Variants in EPB41L1 observed in about 807,000 individuals in gnomAD.
EPB41L1 encodes the protein band 4.1-like protein 1.
In EPB41L1, 29 loss-of-function variants were observed where a neutral mutation model predicts 97.8. The observed-to-expected ratio is 0.30, with a 90% CI of 0.22 to 0.40. EPB41L1 has a LOEUF of 0.40. Among genes scored for constraint, EPB41L1 ranks in the 10% least tolerant of loss-of-function variants. The pLI, the probability that EPB41L1 is intolerant of heterozygous loss-of-function variation, is 1.00. For synonymous variants in EPB41L1, 383 were observed against 459.2 expected (o/e 0.83, Z 2.12); for missense variants, 812 against 1,162.3 (o/e 0.70, Z 4.38).
chr20:36,203,078 CGGCTACCTGG>C (rs2062591355), intron 14 of EPB41L1, among the ~76,000 whole-genome samples: 1 of 152,198 alleles, frequency 6.6e-6, no homozygotes, highest in Admixed American at 6.5e-5. Flanking sequence ...TGCGGGGCTG[CGGCTACCTGG>C]GGCTACCCTA....
At chr20:36,213,398 G>A (rs1386445048) in intron 16 of EPB41L1, among the ~76,000 whole-genome samples, 3 of 152,064 alleles carry the variant, frequency 2.0e-5, no homozygotes, top group Admixed American at 6.6e-5. Context: ...GGGAAAAAAA[G>A]AGAGAGAAAG....
intron 21 of EPB41L1, 29 bp from the exon 22 acceptor site, chr20:36,229,303 C>G: frequency 1.9e-6 from 3 of 1,602,392 alleles, no homozygotes; most frequent in African/African-American, 1.3e-5. Flanking sequence ...TCCCCACCCC[C>G]CATTCTACCC....
At chr20:36,196,341 A>G (rs565798370) in intron 13 of EPB41L1, among the ~76,000 whole-genome samples, 2 of 152,304 alleles carry the variant, frequency 1.3e-5, no homozygotes, top group Non-Finnish European at 2.9e-5. Flanking sequence ...ACTGCTCCCT[A>G]CAGCCTTCAG....
chr20:36,200,035 G>C (rs2062416554), intron 14 of EPB41L1, among the ~76,000 whole-genome samples: 1 of 152,184 alleles, frequency 6.6e-6, no homozygotes, highest in Admixed American at 6.5e-5. Flanking sequence ...AAGAACTATG[G>C]TCCAGGAGCT....
intron 1 of EPB41L1, among the ~76,000 whole-genome samples, chr20:36,100,045 G>A (rs902069142): frequency 5.3e-5 from 8 of 152,202 alleles, no homozygotes; most frequent in Admixed American, 2.6e-4. Context: ...GCCACCATGC[G>A]GGGCTCTGGA....
chr20:36,193,153 G>C (rs2086278821), intron 11 of EPB41L1, among the ~76,000 whole-genome samples: 1 of 152,170 alleles, frequency 6.6e-6, no homozygotes, highest in Non-Finnish European at 1.5e-5. Flanking sequence ...GGCAGCAGAG[G>C]TTAGCCCAGA....
At position 36,212,307 on chromosome 20, in the gene EPB41L1, G is replaced by A; in HGVS notation, c.2115G>A (p.Leu705=). The A allele has an allele frequency of 6.2e-7, 1 of 1,614,204 alleles. No homozygotes were observed. The highest frequency in any genetic ancestry group is 8.5e-7 in the Non-Finnish European group (1 of 1,180,038). Residue 705 remains leucine, a synonymous_variant, in exon 16 of 22, where the codon CTG becomes CTA. Transcript: ENST00000338074. This position sits in a 1 kb window ranked among gnomAD's most constrained non-coding sequence, Gnocchi z 4.8. Reference sequence around the variant, plus strand: ...CAGAAACCATGACTGTCAGCAGTCTGGCCATTAGAAAGAAGATTGAGCCGG... The same window carrying A: ...CAGAAACCATGACTGTCAGCAGTCTAGCCATTAGAAAGAAGATTGAGCCGG... ...VKTETMTVSS[L]AIRKKIEPEA...
At position 36,122,783 on chromosome 20, in the gene EPB41L1, G is replaced by GGGGCTTGT. The variant is rs2058797440; in HGVS notation, c.-10+10303_-10+10304insGGGCTTGT. On this transcript the variant is annotated intron_variant, in intron 2 of 19. Transcript: ENST00000202028. ...CTTGGCCAGCCCCTTTCCCTTCTTG[G>GGGGCTTGT]ACCTCAGTTTCAGCACCTGTACAAT... 3.9e-5 allele frequency: 6 copies of GGGGCTTGT among 152,264 alleles called. No individual in the cohort carries two copies. The South Asian group carries it at 1.2e-3, about 32-fold the overall frequency. The allele number at this position is 152,264 out of a possible 1,614,324, so 9.4% of individuals were successfully genotyped here.
chr20:36,107,420 CA>C (rs1300725763), intron 1 of EPB41L1, among the ~76,000 whole-genome samples: 1 of 150,964 alleles, frequency 6.6e-6, no homozygotes, highest in Non-Finnish European at 1.5e-5. Flanking sequence ...GGGGTTTCAT[CA>C]TATTGGTCAG....
intron 1 of EPB41L1, among the ~76,000 whole-genome samples, chr20:36,106,507 A>G (rs2058196633): frequency 6.6e-6 from 1 of 152,108 alleles, no homozygotes; most frequent in African/African-American, 2.4e-5. Flanking sequence ...AGGAGTTCCT[A>G]TTTTGGGGAG....
In EPB41L1 at chr20:36,194,017, G is replaced by A. The variant is rs539491157; in HGVS notation, c.1301-195G>A. ...CTAGTGCTGTAGAAACCAGGAAGGAGTCCTGGGCTGGGAGGCAGCTCTGCC... is the reference window on the plus strand; with the variant it reads ...CTAGTGCTGTAGAAACCAGGAAGGAATCCTGGGCTGGGAGGCAGCTCTGCC... On this transcript the variant is annotated intron_variant, in intron 11 of 21. Transcript: ENST00000338074. Among the ~76,000 whole-genome samples, 13 of 152,330 alleles carry A rather than the reference G, an allele frequency of 8.5e-5. No homozygotes were observed. The South Asian group carries it at 2.7e-3, about 32-fold the overall frequency.
intron 4 of EPB41L1, among the ~76,000 whole-genome samples, chr20:36,178,382 A>T (rs1320977636): frequency 6.6e-6 from 1 of 152,152 alleles, no homozygotes; most frequent in Non-Finnish European, 1.5e-5. Context: ...TTGCAGATGC[A>T]TCACCTGCTC....
chr20:36,162,970 G>C (rs536314872), intron 1 of EPB41L1, among the ~76,000 whole-genome samples: 1 of 152,306 alleles, frequency 6.6e-6, no homozygotes, highest in African/African-American at 2.4e-5. Flanking sequence ...CTCAGAGGCA[G>C]CTCTCTCAGC....
At chr20:36,185,631 G>A (rs117345247) in intron 7 of EPB41L1, among the ~76,000 whole-genome samples, 3,325 of 152,252 alleles carry the variant, frequency 0.022, 45 homozygotes, top group Middle Eastern at 0.034. Context: ...GAAAATAATC[G>A]CTACTGTGTC....
Position 36,093,450 on chromosome 20 carries a change from A to G in EPB41L1, c.-65+1838A>G, listed in dbSNP as rs1394549114. Among the ~76,000 whole-genome samples, 1 of 147,948 alleles carries G rather than the reference A, an allele frequency of 6.8e-6. No homozygotes were observed. Among genetic ancestry groups the G allele is most frequent in the Non-Finnish European group, 1.5e-5 (1 of 67,140 alleles). ...GCGGCTTTGTCTTCGCACTGCCGGG[A>G]GGAAGCGGTGGGGGCGGCGGTCCAG... On this transcript the variant is annotated intron_variant, in intron 1 of 19. Transcript: ENST00000202028. The surrounding 1 kb of genome is among the most constrained non-coding windows in gnomAD (Gnocchi z 5.4).
In EPB41L1 at chr20:36,230,381, C is replaced by A. The variant is rs1235703628; in HGVS notation, c.*1041C>A. 3 of 152,566 alleles carry A rather than the reference C, an allele frequency of 2.0e-5. No homozygotes were observed. The highest frequency in any genetic ancestry group is 7.2e-5 in the African/African-American group (3 of 41,382). 9.5% of individuals were successfully genotyped at this position (152,566 alleles called of 1,614,324 possible). Reference sequence around the variant, plus strand: ...AATTATCTGACTGTGATTGATGTATCCTGAGGTTCCTAGATCTCACTGAAC... The same window carrying A: ...AATTATCTGACTGTGATTGATGTATACTGAGGTTCCTAGATCTCACTGAAC... On this transcript the variant is annotated 3_prime_UTR_variant, in exon 22 of 22. Coordinates refer to ENST00000338074, the MANE Select transcript of EPB41L1 (RefSeq NM_012156.2).
chr20:36,099,775 C>G (rs1300175297), intron 1 of EPB41L1, among the ~76,000 whole-genome samples: 2 of 152,198 alleles, frequency 1.3e-5, no homozygotes, highest in Non-Finnish European at 2.9e-5. Context: ...AACACCTTAT[C>G]TGTGGCTCCT....
At chr20:36,135,403 C>T (rs1009792190) in intron 2 of EPB41L1, among the ~76,000 whole-genome samples, 7 of 152,162 alleles carry the variant, frequency 4.6e-5, no homozygotes, top group African/African-American at 1.2e-4. Flanking sequence ...CCACATGGGC[C>T]GAAGCAATAA....
intron 2 of EPB41L1, among the ~76,000 whole-genome samples, chr20:36,130,416 G>T (rs1248417128): frequency 6.6e-6 from 1 of 152,072 alleles, no homozygotes; most frequent in Admixed American, 6.5e-5. Context: ...CGCATCATCA[G>T]TACTGTCCTG....
Sources: gnomAD v4.1 joint callset for allele counts (sites outside exome capture counted in the v4.1 genomes callset) on GRCh38, gnomAD v4.1.1 for gene constraint, Gnocchi (gnomAD v3.1) non-coding constraint, MANE v1.5 for transcripts, NCBI Gene and HGNC (gene_info 2026-07-23, HGNC 2026-07-21) for gene names.